Variants in ASTN1 observed in about 807,000 individuals in gnomAD.
ASTN1 encodes astrotactin-1.
ASTN1 carries 41 observed loss-of-function variants against 140.7 expected under a neutral mutation model. The observed-to-expected ratio is 0.29, with a 90% CI of 0.23 to 0.38. The LOEUF is 0.38. ASTN1 is among the 10% of genes least tolerant of loss of function. The pLI, the probability that ASTN1 is intolerant of heterozygous loss-of-function variation, is 1.00. For missense variants in ASTN1, 1,479 were observed against 1,678.8 expected, an observed-to-expected ratio of 0.88 and a Z score of 2.08; for synonymous variants, 640 against 652.2, an observed-to-expected ratio of 0.98 and a Z score of 0.29.
At chr1:177,019,178 G>A (rs900340200) in intron 7 of ASTN1, among the ~76,000 whole-genome samples, 6 of 152,308 alleles carry the variant, frequency 3.9e-5, no homozygotes, top group East Asian at 3.9e-4. Flanking sequence ...AACTAGGTAA[G>A]TGATCTTGGG....
chr1:176,929,374 G>T (rs1671106833), intron 16 of ASTN1, among the ~76,000 whole-genome samples: 1 of 152,220 alleles, frequency 6.6e-6, no homozygotes, highest in African/African-American at 2.4e-5. Context: ...TCAGAGACTG[G>T]AGTGATGCAC....
At chr1:177,089,502 G>A (rs1399080504) in intron 1 of ASTN1, among the ~76,000 whole-genome samples, 1 of 152,092 alleles carries the variant, frequency 6.6e-6, no homozygotes, top group Non-Finnish European at 1.5e-5. Flanking sequence ...TAAGATCAAC[G>A]TTTGCTTCTC....
chr1:176,958,488 G>C lies in ASTN1; in HGVS notation c.1599-6C>G. 1.2e-6 allele frequency: 2 copies of C among 1,606,752 alleles called. No individual in the cohort carries two copies. Among genetic ancestry groups the C allele is most frequent in the Non-Finnish European group, 1.7e-6 (2 of 1,176,376 alleles). ...CCCCAAGAGTGTAGGTGAATCTGCA[G>C]GGACACCCAGTGCCAGGTGGTCATG... On this transcript the variant is annotated splice_polypyrimidine_tract_variant and splice_region_variant and intron_variant, in intron 9 of 22. Transcript: ENST00000361833.
At chr1:177,012,072 C>T (rs1465979051) in intron 8 of ASTN1, among the ~76,000 whole-genome samples, 2 of 152,180 alleles carry the variant, frequency 1.3e-5, no homozygotes, top group East Asian at 1.9e-4. Flanking sequence ...GGGCTGCTTA[C>T]CTCCACTTCA....
intron 2 of ASTN1, among the ~76,000 whole-genome samples, chr1:177,058,240 T>C (rs1269685368): frequency 6.6e-6 from 1 of 152,182 alleles, no homozygotes; most frequent in South Asian, 2.1e-4. Context: ...ATTCCTGTTC[T>C]GTGGAAGTCA....
chr1:177,113,806 G>C (rs1391009846), intron 1 of ASTN1, among the ~76,000 whole-genome samples: 6 of 152,190 alleles, frequency 3.9e-5, no homozygotes, highest in African/African-American at 7.2e-5. Flanking sequence ...ACCTAATCTT[G>C]ATAGTTAATT....
intron 15 of ASTN1, 61 bp downstream of exon 15, chr1:176,936,205 C>A: frequency 6.8e-7 from 1 of 1,473,054 alleles, no homozygotes; most frequent in Non-Finnish European, 9.5e-7. Context: ...AGGCTTCTCC[C>A]CTTGGAAAGG....
intron 8 of ASTN1, among the ~76,000 whole-genome samples, chr1:176,966,811 G>C (rs1018907412): frequency 6.6e-6 from 1 of 151,480 alleles, no homozygotes; most frequent in African/African-American, 2.4e-5. Context: ...AATTAGCATA[G>C]GAAGATATAA....
At chr1:176,993,220 T>C (rs1460392856) in intron 8 of ASTN1, among the ~76,000 whole-genome samples, 1 of 152,232 alleles carries the variant, frequency 6.6e-6, no homozygotes, top group Non-Finnish European at 1.5e-5. Context: ...AAACAGCTAC[T>C]GTATGACTTA....
intron 2 of ASTN1, among the ~76,000 whole-genome samples, chr1:177,040,087 G>T (rs1187098165): frequency 2.6e-5 from 4 of 152,230 alleles, no homozygotes; most frequent in African/African-American, 7.2e-5. Context: ...TGCTTCTCTG[G>T]CAGGTTCTCT....
At chr1:177,138,228 C>A (rs1057265711) in intron 1 of ASTN1, among the ~76,000 whole-genome samples, 3 of 152,304 alleles carry the variant, frequency 2.0e-5, no homozygotes, top group African/African-American at 7.2e-5. Context: ...ACCTTACAGC[C>A]AGCAGATTGG....
At chr1:176,976,695 C>T (rs1558004754) in intron 8 of ASTN1, 1 of 152,266 alleles carries the variant, frequency 6.6e-6, no homozygotes, top group Non-Finnish European at 1.5e-5. Flanking sequence ...CTTCCTCCCT[C>T]CACTTCTCTC....
intron 12 of ASTN1, among the ~76,000 whole-genome samples, chr1:176,947,841 C>T (rs888920100): frequency 6.6e-6 from 1 of 152,316 alleles, no homozygotes; most frequent in South Asian, 2.1e-4. Context: ...CTTTTTCCAA[C>T]ACCTGACACC....
chr1:176,962,410 C>G (rs1463472656), intron 9 of ASTN1, among the ~76,000 whole-genome samples: 1 of 152,232 alleles, frequency 6.6e-6, no homozygotes, highest in Middle Eastern at 3.4e-3. Flanking sequence ...TAGGAAATGC[C>G]TGAAATGATT....
intron 2 of ASTN1, among the ~76,000 whole-genome samples, chr1:177,036,700 G>A (rs1323863032): frequency 6.6e-6 from 1 of 152,184 alleles, no homozygotes; most frequent in Non-Finnish European, 1.5e-5. Flanking sequence ...ACTACACTAG[G>A]AAAAGGCAGG....
Position 176,958,378 on chromosome 1 carries a change from T to C in ASTN1, c.1703A>G (p.Asp568Gly), listed in dbSNP as rs1672509730. Residue 568 changes from aspartate (D) to glycine (G), a missense_variant, in exon 10 of 23, where the codon GAC becomes GGC. This residue lies in a region of ASTN1 where 729 missense variants were observed against 860.4 expected (regional missense o/e 0.85). Transcript: ENST00000361833. ...CACAGCATCCTCCATCACAGTCATG[T>C]CCGTCTTGCACTTTGCTGATGGATT... ...AINPSAKCKT[D>G]MTVMEDAVEV... 6.2e-7 allele frequency: 1 copy of C among 1,614,106 alleles called. No individual in the cohort carries two copies. The highest frequency in any genetic ancestry group is 1.3e-5 in the African/African-American group (1 of 75,060).
chr1:177,163,925 G>A (rs1265004293), intron 1 of ASTN1, among the ~76,000 whole-genome samples: 1 of 152,194 alleles, frequency 6.6e-6, no homozygotes, highest in African/African-American at 2.4e-5. Context: ...TAGCTGGCAA[G>A]GTGATGACAG....
chr1:177,023,255 G>T, intron 7 of ASTN1, 149 bp downstream of exon 7: 2 of 992,310 alleles, frequency 2.0e-6, no homozygotes, highest in Non-Finnish European at 2.9e-6. Flanking sequence ...TAAGCTCTGC[G>T]GCCCAACCAC....
intron 5 of ASTN1, among the ~76,000 whole-genome samples, chr1:177,027,311 T>C (rs1348541245): frequency 6.6e-6 from 1 of 152,118 alleles, no homozygotes; most frequent in Non-Finnish European, 1.5e-5. Context: ...TCTTATCACA[T>C]AGAATCATCA....
Sources: allele counts gnomAD v4.1 joint callset (sites outside exome capture counted in the v4.1 genomes callset), GRCh38; gene constraint gnomAD v4.1.1; regional missense constraint gnomAD v4.1.1; transcripts MANE v1.5; gene names NCBI Gene and HGNC (gene_info 2026-07-23, HGNC 2026-07-21).